Variants in HMCN1 observed in about 807,000 individuals in gnomAD.
HMCN1 encodes the protein hemicentin-1.
In HMCN1, 321 loss-of-function variants were observed where a neutral mutation model predicts 625.9. That is an observed-to-expected ratio of 0.51 (90% CI 0.47 to 0.56). HMCN1 has a LOEUF of 0.56. Among genes scored for constraint, HMCN1 ranks in the 20% least tolerant of loss-of-function variants. The pLI is 0.00. For missense variants in HMCN1, 6,588 were observed against 6,887.3 expected (o/e 0.96, Z 1.54); for synonymous variants, 2,425 against 2,417.6 (o/e 1.00, Z -0.09).
At chr1:186,066,501 C>A (rs1378187372) in intron 49 of HMCN1, among the ~76,000 whole-genome samples, 1 of 152,062 alleles carries the variant, frequency 6.6e-6, no homozygotes. Flanking sequence ...CACCCTCGAC[C>A]CTGTATCTTT....
Position 186,106,678 on chromosome 1 carries a change from C to T in HMCN1, c.10771-206C>T, listed in dbSNP as rs528131975. Among the ~76,000 whole-genome samples, 6 of 152,200 alleles carry T rather than the reference C, an allele frequency of 3.9e-5. No homozygotes were observed. The South Asian group carries it at 1.2e-3, about 32-fold the overall frequency. ...ACGTACAAACATTCTTAAATCGATA[C>T]CAAAATCCTGTTAAAACATAGGTTT... On this transcript the variant is annotated intron_variant, in intron 69 of 106. Transcript: ENST00000271588.
At chr1:185,791,872 T>C (rs1376999477) in intron 1 of HMCN1, among the ~76,000 whole-genome samples, 4 of 152,236 alleles carry the variant, frequency 2.6e-5, no homozygotes, top group Admixed American at 6.5e-5. Flanking sequence ...ATGTAAATTC[T>C]GAGCTTGCAA....
At chr1:185,971,213 A>G (rs1450160664) in intron 15 of HMCN1, among the ~76,000 whole-genome samples, 1 of 152,202 alleles carries the variant, frequency 6.6e-6, no homozygotes, top group East Asian at 1.9e-4. Context: ...CCAAGATCAT[A>G]ATTTGAAGAT....
chr1:186,102,333 A>T (rs1348857676), intron 68 of HMCN1, among the ~76,000 whole-genome samples: 1 of 152,144 alleles, frequency 6.6e-6, no homozygotes, highest in Non-Finnish European at 1.5e-5. Context: ...TTAGTATATT[A>T]TCTTTCTCCA....
intron 1 of HMCN1, among the ~76,000 whole-genome samples, chr1:185,748,050 T>G (rs1654542643): frequency 6.6e-6 from 1 of 151,078 alleles, no homozygotes. Context: ...TTTTTTTTTT[T>G]TTTTTTTTTT....
At chr1:186,093,454 C>T in intron 65 of HMCN1, 32 bp from the exon 66 acceptor site, 1 of 1,606,796 alleles carries the variant, frequency 6.2e-7, no homozygotes. Flanking sequence ...ATACATCCCT[C>T]TTCCCTCTCT....
intron 1 of HMCN1, among the ~76,000 whole-genome samples, chr1:185,823,094 A>G (rs1660293529): frequency 6.6e-6 from 1 of 152,064 alleles, no homozygotes; most frequent in African/African-American, 2.4e-5. Flanking sequence ...TTATATCATG[A>G]GTATTTCTCT....
intron 100 of HMCN1, among the ~76,000 whole-genome samples, chr1:186,168,672 A>G (rs954358574): frequency 6.6e-6 from 1 of 152,086 alleles, no homozygotes; most frequent in Non-Finnish European, 1.5e-5. Context: ...GGAACTGGAG[A>G]TGAGTATAGA....
chr1:186,077,961 T>G (rs562830752), intron 54 of HMCN1, 146 bp from the exon 55 acceptor site: 122 of 651,000 alleles, frequency 1.9e-4, no homozygotes, highest in Non-Finnish European at 2.9e-4. Context: ...AAAAGTGGTA[T>G]CTGAGATTAA....
intron 4 of HMCN1, 112 bp from the exon 5 acceptor site, chr1:185,909,225 C>G: frequency 1.3e-6 from 1 of 777,452 alleles, no homozygotes; most frequent in Non-Finnish European, 2.2e-6. Flanking sequence ...AAATTTCACA[C>G]CAGTCCAGGA....
At chr1:185,886,695 G>T (rs1204760572) in intron 4 of HMCN1, among the ~76,000 whole-genome samples, 2 of 151,838 alleles carry the variant, frequency 1.3e-5, no homozygotes, top group Non-Finnish European at 2.9e-5. Flanking sequence ...ACACTCCAAT[G>T]TCAGCTCTCT....
intron 11 of HMCN1, among the ~76,000 whole-genome samples, chr1:185,943,526 A>T (rs1349548860): frequency 6.6e-6 from 1 of 152,198 alleles, no homozygotes; most frequent in Non-Finnish European, 1.5e-5. Flanking sequence ...TTCCTTGTAG[A>T]TATGACTCAG....
At chr1:186,092,799 TCA>T (rs1194396347) in intron 64 of HMCN1, among the ~76,000 whole-genome samples, 1 of 152,094 alleles carries the variant, frequency 6.6e-6, no homozygotes, top group Non-Finnish European at 1.5e-5. Context: ...TGTAATTTTT[TCA>T]GTTTCTCATT....
At chr1:185,952,330 C>T (rs1402254017) in intron 11 of HMCN1, among the ~76,000 whole-genome samples, 2 of 151,012 alleles carry the variant, frequency 1.3e-5, no homozygotes, top group African/African-American at 4.9e-5. Context: ...AGAATTGGGA[C>T]CTAGCTCGGC....
In HMCN1 at chr1:186,103,520, T is replaced by C. The variant is rs144796961; in HGVS notation, c.10622T>C (p.Ile3541Thr). ...GSEEHEEISV[I>T]VNNPLELTCI... Reference sequence around the variant, plus strand: ...GAAGAACATGAAGAGATATCAGTAATTGTTAATAACCCACTTGAACTTACC... The same window carrying C: ...GAAGAACATGAAGAGATATCAGTAACTGTTAATAACCCACTTGAACTTACC... The change falls in exon 69 of 107, where the codon ATT (isoleucine) becomes ACT (threonine). Residue 3541 changes from isoleucine to threonine, a missense_variant. Around this residue, in one of 3 missense-constraint regions of HMCN1, gnomAD observed 4,628 missense variants for 4,853.1 expected, o/e 0.95. Coordinates refer to ENST00000271588, the MANE Select transcript of HMCN1 (RefSeq NM_031935.3). 6.2e-7 allele frequency: 1 copy of C among 1,613,646 alleles called. No individual in the cohort carries two copies. Among genetic ancestry groups the C allele is most frequent in the Admixed American group, 1.7e-5 (1 of 59,968 alleles).
Position 186,000,052 on chromosome 1 carries a change from TAAACCA to T in HMCN1, c.3884_3889del (p.Lys1295_Pro1296del). On this transcript the variant is annotated inframe_deletion, in exon 26 of 107. Transcript: ENST00000271588. ...CTTTAATTTCTTATTTAGGTACCCCTAAACCAACCATCAAATGGTTACACAATGGTA... is the reference window on the plus strand; with the variant it reads ...CTTTAATTTCTTATTTAGGTACCCCTACCATCAAATGGTTACACAATGGTA... 6.2e-7 allele frequency: 1 copy of T among 1,611,732 alleles called. No individual in the cohort carries two copies. Among genetic ancestry groups the T allele is most frequent in the Non-Finnish European group, 8.5e-7 (1 of 1,178,398 alleles).
At chr1:186,119,112 A>G (rs1661269185) in intron 77 of HMCN1, 79 bp from the exon 78 acceptor site, 2 of 1,031,814 alleles carry the variant, frequency 1.9e-6, no homozygotes, top group Middle Eastern at 2.1e-4. Context: ...TGCAGAAAAC[A>G]CACAAAAGAG....
intron 2 of HMCN1, among the ~76,000 whole-genome samples, chr1:185,859,235 C>T (rs571392645): frequency 6.6e-6 from 1 of 151,454 alleles, no homozygotes; most frequent in South Asian, 2.1e-4. Context: ...TAAATTAAAG[C>T]AATTTAAATT....
chr1:185,828,035 G>A (rs1266626669), intron 1 of HMCN1, among the ~76,000 whole-genome samples: 4 of 152,120 alleles, frequency 2.6e-5, no homozygotes, highest in Admixed American at 6.5e-5. Context: ...TTTTGAACAC[G>A]CACAACTTAG....
Sources: allele counts gnomAD v4.1 joint callset (sites outside exome capture counted in the v4.1 genomes callset), GRCh38; gene constraint gnomAD v4.1.1; regional missense constraint gnomAD v4.1.1; transcripts MANE v1.5; gene names NCBI Gene and HGNC (gene_info 2026-07-23, HGNC 2026-07-21).